The following PABPC4L variants were observed in gnomAD, a reference collection of about 807,000 sequenced individuals.
The protein encoded by PABPC4L is poly(A) binding protein cytoplasmic 4 like.
For missense variants in PABPC4L, 452 were observed against 451.4 expected, an observed-to-expected ratio of 1.00 and a Z score of -0.01; for synonymous variants, 169 against 164.1, an observed-to-expected ratio of 1.03 and a Z score of -0.23.
chr4:134,140,905 A>G, the PABPC4L span, among the ~76,000 whole-genome samples: 1 of 151,768 alleles, frequency 6.6e-6, no homozygotes, highest in Non-Finnish European at 1.5e-5. Context: ...CTAGAACATG[A>G]CCCAGATTTC....
chr4:134,008,831 C>A, the PABPC4L span, among the ~76,000 whole-genome samples: 1 of 151,544 alleles, frequency 6.6e-6, no homozygotes, highest in Non-Finnish European at 1.5e-5. Flanking sequence ...GGTGCTCTTA[C>A]CAATGTTACA....
chr4:134,188,977 A>G, the PABPC4L span, among the ~76,000 whole-genome samples: 75 of 151,732 alleles, frequency 4.9e-4, no homozygotes, highest in East Asian at 0.014. Flanking sequence ...GGATAATTTT[A>G]TTTTGGTTTT....
chr4:134,043,408 C>T, the PABPC4L span, among the ~76,000 whole-genome samples: 1 of 152,024 alleles, frequency 6.6e-6, no homozygotes, highest in Non-Finnish European at 1.5e-5. Context: ...AAGATATTTG[C>T]CCCTAAAATG....
chr4:133,962,570 A>G, the PABPC4L span, among the ~76,000 whole-genome samples: 1 of 152,198 alleles, frequency 6.6e-6, no homozygotes, highest in Non-Finnish European at 1.5e-5. Context: ...AATTAACCCA[A>G]TCCAGAAGCA....
the PABPC4L span, among the ~76,000 whole-genome samples, chr4:134,144,820 T>C: frequency 5.6e-3 from 850 of 151,806 alleles, 5 homozygotes; most frequent in African/African-American, 0.019. Flanking sequence ...ATGCATTTTT[T>C]AGTTATTTAT....
the PABPC4L span, among the ~76,000 whole-genome samples, chr4:134,114,677 T>A: frequency 6.6e-6 from 1 of 151,974 alleles, no homozygotes; most frequent in East Asian, 1.9e-4. Flanking sequence ...GTCTATTCGT[T>A]GGGTTTGGAC....
chr4:134,028,300 T>A, the PABPC4L span, among the ~76,000 whole-genome samples: 1 of 152,094 alleles, frequency 6.6e-6, no homozygotes, highest in East Asian at 1.9e-4. Flanking sequence ...AGATCGACCT[T>A]ATCATAGCTT....
the PABPC4L span, among the ~76,000 whole-genome samples, chr4:134,021,722 T>C: frequency 1.3e-5 from 2 of 152,170 alleles, no homozygotes; most frequent in African/African-American, 2.4e-5. Context: ...GAGTTTCTTC[T>C]AGTACATACT....
chr4:134,012,966 C>G, the PABPC4L span, among the ~76,000 whole-genome samples: 12 of 152,214 alleles, frequency 7.9e-5, no homozygotes, highest in East Asian at 2.3e-3. Flanking sequence ...GGAAAGGCAG[C>G]CTTCTCTTGG....
chr4:134,034,676 A>T, the PABPC4L span, among the ~76,000 whole-genome samples: 1 of 151,978 alleles, frequency 6.6e-6, no homozygotes, highest in African/African-American at 2.4e-5. Context: ...TGTGGTAGAA[A>T]CAGTAAGAGA....
At chr4:133,960,025 G>A in the PABPC4L span, among the ~76,000 whole-genome samples, 43 of 152,134 alleles carry the variant, frequency 2.8e-4, no homozygotes, top group Admixed American at 2.0e-4. Flanking sequence ...AGATGTCAAC[G>A]ATATTCTTTT....
In PABPC4L at chr4:134,200,776, G is replaced by C. The variant is rs1399170120; in HGVS notation, c.244C>G (p.Arg82Gly). The C allele has an allele frequency of 2.6e-6, 4 of 1,551,656 alleles. No homozygotes were observed. The Admixed American group carries it at 7.8e-5, about 30-fold the overall frequency. Residue 82 changes from arginine to glycine, a missense_variant, in exon 2 of 2, where the codon CGT becomes GGT. By Grantham distance (125) the Arg-to-Gly change is moderately radical. Coordinates refer to ENST00000421491, the MANE Select transcript of PABPC4L (RefSeq NM_001114734.2). ...GCATCGCGCTGAGACCACATGAGAC[G>C]GATGGATTTGCCTTTTATGATGTCA... ...NFDIIKGKSI[R>G]LMWSQRDAYL... is the part of the protein sequence containing the mutation.
chr4:134,131,714 CAAAA>C, the PABPC4L span, among the ~76,000 whole-genome samples: 4 of 10,666 alleles, frequency 3.8e-4, no homozygotes, highest in Non-Finnish European at 6.3e-4. Flanking sequence ...CCTGTGAAAC[CAAAA>C]AAAAAAAAAA....
At chr4:134,096,383 T>G in the PABPC4L span, among the ~76,000 whole-genome samples, 1 of 151,952 alleles carries the variant, frequency 6.6e-6, no homozygotes, top group Admixed American at 6.6e-5. Context: ...AGTTGTGCCT[T>G]AAGATCAACA....
At chr4:134,057,694 T>C in the PABPC4L span, among the ~76,000 whole-genome samples, 3 of 152,106 alleles carry the variant, frequency 2.0e-5, no homozygotes, top group Non-Finnish European at 4.4e-5. Flanking sequence ...TATCTATTCA[T>C]GTTTTGGAAT....
the PABPC4L span, among the ~76,000 whole-genome samples, chr4:134,071,581 A>C: frequency 6.6e-6 from 1 of 152,144 alleles, no homozygotes. Context: ...TGTTATAACA[A>C]TATTGAAGAT....
At chr4:134,113,101 C>T in the PABPC4L span, among the ~76,000 whole-genome samples, 1 of 151,922 alleles carries the variant, frequency 6.6e-6, no homozygotes, top group Admixed American at 6.6e-5. Flanking sequence ...TATTTTCATA[C>T]ATCTGTACAG....
At chr4:134,185,358 C>A in the PABPC4L span, among the ~76,000 whole-genome samples, 1 of 152,072 alleles carries the variant, frequency 6.6e-6, no homozygotes, top group East Asian at 1.9e-4. Context: ...TTGGCTTCAT[C>A]CCTGGCATGC....
rs558758058 is a variant in PABPC4L at position 134,200,565 on chromosome 4, C to A, written c.455G>T (p.Arg152Met). 2 of 1,551,682 alleles carry A rather than the reference C, an allele frequency of 1.3e-6. No homozygotes were observed. Among genetic ancestry groups the A allele is most frequent in the Admixed American group, 3.9e-5 (2 of 51,010 alleles). The change falls in exon 2 of 2, where the codon AGG becomes ATG. Residue 152 changes from arginine (R) to methionine (M), a missense_variant. By Grantham distance (91) the Arg-to-Met change is moderately conservative (BLOSUM62 -1). Coordinates refer to ENST00000421491, the MANE Select transcript of PABPC4L (RefSeq NM_001114734.2). ...VHFQNQSAAD[R>M]AIEEMNGKLL... Reference sequence around the variant, plus strand: ...TTTTCCATTCATCTCCTCAATGGCCCTGTCTGCAGCACTCTGGTTCTGAAA... The same window carrying A: ...TTTTCCATTCATCTCCTCAATGGCCATGTCTGCAGCACTCTGGTTCTGAAA...
Sources: gnomAD v4.1 joint callset for allele counts (sites outside exome capture counted in the v4.1 genomes callset) on GRCh38, gnomAD v4.1.1 for gene constraint, MANE v1.5 for transcripts, NCBI Gene and HGNC (gene_info 2026-07-23, HGNC 2026-07-21) for gene names.